The following SLC14A2 variants were observed in gnomAD, a reference collection of about 807,000 sequenced individuals.
SLC14A2 encodes urea transporter 2.
A neutral mutation model predicts 104.6 loss-of-function variants in SLC14A2; 91 were observed. The ratio of observed to expected loss-of-function variants is 0.87; its 90% CI spans 0.73 to 1.04. The LOEUF (loss-of-function observed/expected upper bound fraction) is 1.04. SLC14A2 is among the 50% of genes least tolerant of loss of function. SLC14A2 has a pLI of 0.00. For synonymous variants in SLC14A2, 476 were observed against 466.4 expected (o/e 1.02, Z -0.27); for missense variants, 1,189 against 1,156.0 (o/e 1.03, Z -0.41).
chr18:45,187,415 G>A, the SLC14A2 span, among the ~76,000 whole-genome samples: 24 of 152,204 alleles, frequency 1.6e-4, no homozygotes, highest in African/African-American at 5.8e-4. Context: ...CAACAGAATA[G>A]GACTCCCAAT....
chr18:45,414,368 C>A (rs2086246192), intron 1 of SLC14A2, among the ~76,000 whole-genome samples: 1 of 152,156 alleles, frequency 6.6e-6, no homozygotes. Context: ...CACTCAGAAT[C>A]TTCCATGATT....
chr18:45,671,785 G>A (rs1023776944), intron 16 of SLC14A2, among the ~76,000 whole-genome samples: 18 of 152,166 alleles, frequency 1.2e-4, no homozygotes, highest in Non-Finnish European at 2.5e-4. Flanking sequence ...AGAGAAGAGC[G>A]TCCTTGCCTT....
At chr18:45,613,033 T>A (rs199664987), upstream of SLC14A2, among the ~76,000 whole-genome samples, 1 of 13,050 alleles carries the variant, frequency 7.7e-5, no homozygotes, top group Non-Finnish European at 1.4e-4. Context: ...TCTTTGGCAG[T>A]TTTTTTTTGT....
At chr18:45,227,505 G>T (rs899392659) in intron 1 of SLC14A2, among the ~76,000 whole-genome samples, 3 of 152,244 alleles carry the variant, frequency 2.0e-5, no homozygotes, top group African/African-American at 7.2e-5. Context: ...TCACATAGCA[G>T]AAGGCAGAGG....
chr18:45,420,364 G>T (rs1431907569), intron 1 of SLC14A2, among the ~76,000 whole-genome samples: 1 of 152,186 alleles, frequency 6.6e-6, no homozygotes, highest in Non-Finnish European at 1.5e-5. Flanking sequence ...ACATAGGACA[G>T]CCTGATTCAA....
chr18:45,457,851 G>A (rs1158821660), intron 1 of SLC14A2, among the ~76,000 whole-genome samples: 3 of 152,110 alleles, frequency 2.0e-5, no homozygotes, highest in African/African-American at 7.2e-5. Context: ...TGGAGATCAT[G>A]AGAGCAGCTA....
Position 45,590,347 on chromosome 18 carries a change from C to T in SLC14A2, c.-34-34284C>T, listed in dbSNP as rs537194622. Among the ~76,000 whole-genome samples, 23 of 152,282 alleles carry T rather than the reference C, an allele frequency of 1.5e-4. No individual in the cohort carries two copies. In the South Asian group the frequency reaches 4.8e-3, roughly 32 times the overall value. On this transcript the variant is annotated intron_variant, in intron 2 of 20. Coordinates refer to the SLC14A2 transcript ENST00000586448. ...TGTTTTTTGCATAAACTCACAGGCC[C>T]ATACTCCCCCCAGCTATGAAATGGT...
intron 2 of SLC14A2, among the ~76,000 whole-genome samples, chr18:45,540,853 G>C (rs2043873645): frequency 6.6e-6 from 1 of 152,152 alleles, no homozygotes; most frequent in Non-Finnish European, 1.5e-5. Flanking sequence ...GCACAGGGCT[G>C]GGCCTGCAGT....
chr18:45,622,246 G>A (rs1331253846), intron 1 of SLC14A2, among the ~76,000 whole-genome samples: 2 of 152,198 alleles, frequency 1.3e-5, no homozygotes, highest in African/African-American at 4.8e-5. Flanking sequence ...TGGTGACCAT[G>A]AACGTGAAGG....
intron 2 of SLC14A2, among the ~76,000 whole-genome samples, chr18:45,592,340 T>A (rs2044660600): frequency 6.6e-6 from 1 of 152,216 alleles, no homozygotes; most frequent in Admixed American, 6.5e-5. Flanking sequence ...ACCAACTCTC[T>A]GGATGTCTCA....
intron 2 of SLC14A2, among the ~76,000 whole-genome samples, chr18:45,532,760 A>G (rs548237640): frequency 6.6e-6 from 1 of 152,178 alleles, no homozygotes; most frequent in African/African-American, 2.4e-5. Context: ...GAGAGAGAGC[A>G]TCCCTGTCTT....
intron 1 of SLC14A2, among the ~76,000 whole-genome samples, chr18:45,230,099 A>G (rs1253170113): frequency 6.6e-6 from 1 of 152,206 alleles, no homozygotes; most frequent in African/African-American, 2.4e-5. Flanking sequence ...CATCATTGTC[A>G]TTAATATTAT....
intron 2 of SLC14A2, among the ~76,000 whole-genome samples, chr18:45,596,110 T>C (rs1315659832): frequency 2.0e-5 from 3 of 152,160 alleles, no homozygotes; most frequent in Non-Finnish European, 4.4e-5. Flanking sequence ...TCCTCTCTAG[T>C]CTCCCTGTAA....
At chr18:45,594,015 C>G (rs1387068086) in intron 2 of SLC14A2, among the ~76,000 whole-genome samples, 1 of 152,150 alleles carries the variant, frequency 6.6e-6, no homozygotes, top group East Asian at 1.9e-4. Flanking sequence ...CCCAAAATAG[C>G]ACCTGCCAGA....
intron 2 of SLC14A2, among the ~76,000 whole-genome samples, chr18:45,536,005 C>T (rs896474257): frequency 1.3e-5 from 2 of 152,208 alleles, no homozygotes; most frequent in Non-Finnish European, 2.9e-5. Flanking sequence ...ATAGGATGCA[C>T]ATCAACTGTG....
At chr18:45,356,808 C>G (rs189324702) in intron 1 of SLC14A2, among the ~76,000 whole-genome samples, 9 of 152,284 alleles carry the variant, frequency 5.9e-5, no homozygotes. Flanking sequence ...CAATAGTTTC[C>G]TAAATGATTG....
At chr18:45,201,551 A>AGT in the SLC14A2 span, among the ~76,000 whole-genome samples, 37,957 of 149,430 alleles carry the variant, frequency 0.25, 5,644 homozygotes, top group East Asian at 0.55. Context: ...GTATGTGTGT[A>AGT]GTGTGTGTGT....
chr18:45,387,261 G>A (rs888436), intron 1 of SLC14A2, among the ~76,000 whole-genome samples: 87,257 of 152,030 alleles, frequency 0.57, 25,762 homozygotes, highest in East Asian at 0.82. Context: ...CTGCTACAGC[G>A]TCAAGCAACC....
At chr18:45,461,354 G>A (rs1393683378) in intron 1 of SLC14A2, among the ~76,000 whole-genome samples, 1 of 152,188 alleles carries the variant, frequency 6.6e-6, no homozygotes, top group Admixed American at 6.5e-5. Context: ...GTGGATAGGA[G>A]CTGCCTAGGT....
Sources: allele counts gnomAD v4.1 joint callset (sites outside exome capture counted in the v4.1 genomes callset), GRCh38; gene constraint gnomAD v4.1.1; transcripts MANE v1.5; gene names NCBI Gene and HGNC (gene_info 2026-07-23, HGNC 2026-07-21).